Variants in TINAG observed in about 807,000 individuals in gnomAD.
The protein encoded by TINAG is tubulointerstitial nephritis antigen.
Under a neutral mutation model 72.7 loss-of-function variants are expected in TINAG, and 83 were observed. That is an observed-to-expected ratio of 1.14 (90% CI 0.96 to 1.37). The LOEUF (loss-of-function observed/expected upper bound fraction) is 1.37. TINAG is among the 40% of genes most tolerant of loss of function. The pLI is 0.00. For synonymous variants in TINAG, 234 were observed against 189.9 expected (o/e 1.23, Z -1.91); for missense variants, 685 against 576.6 (o/e 1.19, Z -1.93).
intron 10 of TINAG, among the ~76,000 whole-genome samples, chr6:54,387,876 T>C (rs564675247): frequency 1.3e-5 from 2 of 152,218 alleles, no homozygotes; most frequent in African/African-American, 2.4e-5. Context: ...ATAAGATTAA[T>C]AAACAAAATA....
chr6:54,343,442 T>A (rs3777644), intron 5 of TINAG, 93 bp downstream of exon 5: 1 of 1,163,404 alleles, frequency 8.6e-7, no homozygotes, highest in African/African-American at 1.6e-5. Flanking sequence ...AATTAGAATA[T>A]TTAAATATTA....
At chr6:54,352,248 G>A (rs1262860815) in intron 8 of TINAG, among the ~76,000 whole-genome samples, 1 of 151,764 alleles carries the variant, frequency 6.6e-6, no homozygotes, top group Non-Finnish European at 1.5e-5. Context: ...TTAAGGAACT[G>A]TTGCCAATTT....
At chr6:54,354,967 T>C (rs997842746) in intron 9 of TINAG, among the ~76,000 whole-genome samples, 2 of 151,752 alleles carry the variant, frequency 1.3e-5, no homozygotes, top group African/African-American at 4.8e-5. Context: ...CGTATTATGG[T>C]TTGGGGAGAT....
chr6:54,327,222 G>A (rs1582705255), intron 4 of TINAG: 10 of 1,502,764 alleles, frequency 6.7e-6, no homozygotes, highest in Non-Finnish European at 8.0e-6. Context: ...GTAGAAGGTG[G>A]ATGATTTCTG....
At chr6:54,338,324 T>C (rs566963044) in intron 4 of TINAG, among the ~76,000 whole-genome samples, 5 of 152,304 alleles carry the variant, frequency 3.3e-5, no homozygotes, top group Admixed American at 1.3e-4. Flanking sequence ...TTTTAGGCTG[T>C]TAAAAAGTAG....
intron 6 of TINAG, among the ~76,000 whole-genome samples, chr6:54,348,144 T>G (rs779573535): frequency 6.6e-6 from 1 of 152,120 alleles, no homozygotes; most frequent in Non-Finnish European, 1.5e-5. Context: ...ATATATGTAC[T>G]GCTCACTTGC....
At position 54,343,246 on chromosome 6, in the gene TINAG, T is replaced by G. The variant is rs1785041720; in HGVS notation, c.645T>G (p.Thr215=). ...NEMTASLPAT[T]DLPEFFVASY... ...TTTAGGCTTCTTTACCTGCAACAAC[T>G]GATCTTCCAGAGTTTTTTGTTGCTT... The change falls in exon 5 of 11, where the codon ACT becomes ACG. Residue 215 remains threonine, a synonymous_variant. Transcript: ENST00000259782. The G allele has an allele frequency of 6.4e-7, 1 of 1,574,312 alleles. No individual in the cohort carries two copies. Among genetic ancestry groups the G allele is most frequent in the Non-Finnish European group, 8.6e-7 (1 of 1,158,050 alleles).
intron 1 of TINAG, among the ~76,000 whole-genome samples, chr6:54,320,361 C>A (rs1190912831): frequency 6.6e-6 from 1 of 152,146 alleles, no homozygotes; most frequent in East Asian, 1.9e-4. Context: ...CCTGTTGGAA[C>A]ATAATATGCA....
chr6:54,334,210 C>G (rs78565125), intron 4 of TINAG, among the ~76,000 whole-genome samples: 1 of 152,140 alleles, frequency 6.6e-6, no homozygotes, highest in South Asian at 2.1e-4. Flanking sequence ...TATGAATGCC[C>G]GGGGCAGAGT....
intron 8 of TINAG, among the ~76,000 whole-genome samples, chr6:54,353,776 G>A (rs148025933): frequency 4.0e-5 from 6 of 151,804 alleles, no homozygotes; most frequent in East Asian, 3.9e-4. Flanking sequence ...GACAAGTATT[G>A]TACACAGTTA....
At chr6:54,360,550 C>T (rs1343830530) in intron 9 of TINAG, among the ~76,000 whole-genome samples, 1 of 151,600 alleles carries the variant, frequency 6.6e-6, no homozygotes, top group Non-Finnish European at 1.5e-5. Context: ...TTAGAATTTG[C>T]CCTGTGTCCC....
intron 1 of TINAG, among the ~76,000 whole-genome samples, chr6:54,316,358 T>C (rs1784372748): frequency 6.6e-6 from 1 of 152,154 alleles, no homozygotes; most frequent in Non-Finnish European, 1.5e-5. Flanking sequence ...ATTTAACCAA[T>C]GGGAGCCAAT....
rs374709009 is a variant in TINAG, at chr6:54,349,819, A to G, written c.1003A>G (p.Thr335Ala). ...TGATGGGCGAGGAAAACGGCATGCC[A>G]CGAAGCCATGTCCCAACAACGTAGA... is the stretch of plus-strand genomic sequence containing the variant. ...RSDGRGKRHA[T>A]KPCPNNVEKS... The change falls in exon 7 of 11, where the codon ACG (threonine) becomes GCG (alanine). Residue 335 changes from threonine to alanine, a missense_variant. By Grantham distance (58) the Thr-to-Ala change is moderately conservative (BLOSUM62 0). Transcript: ENST00000259782. The G allele has an allele frequency of 3.4e-5, 55 of 1,611,324 alleles. No individual in the cohort carries two copies. The highest frequency in any genetic ancestry group is 1.7e-4 in the Middle Eastern group (1 of 6,044).
intron 1 of TINAG, among the ~76,000 whole-genome samples, chr6:54,314,220 A>G (rs1784322123): frequency 6.6e-6 from 1 of 152,164 alleles, no homozygotes; most frequent in Admixed American, 6.6e-5. Flanking sequence ...TTTAACACAT[A>G]AGATATTTTG....
intron 4 of TINAG, among the ~76,000 whole-genome samples, chr6:54,340,914 T>A (rs1784982052): frequency 6.6e-6 from 1 of 152,154 alleles, no homozygotes; most frequent in South Asian, 2.1e-4. Flanking sequence ...ATACTTTTAC[T>A]TGATAGATAC....
intron 8 of TINAG, among the ~76,000 whole-genome samples, chr6:54,352,949 G>A (rs141916066): frequency 0.011 from 1,611 of 151,880 alleles, 26 homozygotes; most frequent in African/African-American, 0.037. Flanking sequence ...AAGATTTCTT[G>A]AGAACCTGCT....
intron 4 of TINAG, among the ~76,000 whole-genome samples, chr6:54,332,747 A>G (rs561605208): frequency 6.6e-6 from 1 of 152,372 alleles, no homozygotes; most frequent in South Asian, 2.1e-4. Flanking sequence ...TCCAGAATCT[A>G]CTAGGAACTT....
At chr6:54,337,299 C>T (rs185368361) in intron 4 of TINAG, among the ~76,000 whole-genome samples, 89 of 134,842 alleles carry the variant, frequency 6.6e-4, no homozygotes, top group African/African-American at 2.4e-3. Flanking sequence ...GTTGCCCACA[C>T]TGGAGTGCAG....
chr6:54,353,571 G>A (rs1379426868), intron 8 of TINAG, among the ~76,000 whole-genome samples: 2 of 151,790 alleles, frequency 1.3e-5, no homozygotes, highest in Admixed American at 6.6e-5. Flanking sequence ...ATGTGTTTTA[G>A]AGTAGATAAA....
Sources: allele counts gnomAD v4.1 joint callset (sites outside exome capture counted in the v4.1 genomes callset), GRCh38; gene constraint gnomAD v4.1.1; transcripts MANE v1.5; gene names NCBI Gene and HGNC (gene_info 2026-07-23, HGNC 2026-07-21).